The following CAST variants were observed in gnomAD, a reference collection of about 807,000 sequenced individuals.
The protein encoded by CAST is calpastatin, also known as MIR583 host.
CAST carries 76 observed loss-of-function variants against 119.6 expected under a neutral mutation model. The observed-to-expected ratio is 0.64, with a 90% CI of 0.53 to 0.77. CAST has a LOEUF of 0.77. Ranked by LOEUF, CAST falls within the 30% of genes least tolerant of loss-of-function variation. CAST has a pLI of 0.00. For synonymous variants in CAST, 319 were observed against 331.6 expected (o/e 0.96, Z 0.41); for missense variants, 953 against 946.5 (o/e 1.01, Z -0.09).
chr5:96,312,318 G>A, the CAST span, among the ~76,000 whole-genome samples: 2 of 152,066 alleles, frequency 1.3e-5, no homozygotes, highest in East Asian at 1.9e-4. Flanking sequence ...AGTGCCAGAT[G>A]TCCTCTAAGA....
chr5:96,515,989 G>T, the CAST span, among the ~76,000 whole-genome samples: 18,233 of 151,110 alleles, frequency 0.12, 1,328 homozygotes, highest in Non-Finnish European at 0.17. Flanking sequence ...TCACCTTATG[G>T]CCCTACACCA....
intron 11 of CAST, among the ~76,000 whole-genome samples, chr5:96,739,179 A>G (rs940352856): frequency 3.9e-5 from 6 of 152,206 alleles, no homozygotes; most frequent in Admixed American, 3.3e-4. Context: ...CAAAAGCGTG[A>G]AAGTCTGACA....
At chr5:96,160,616 G>A in the CAST span, among the ~76,000 whole-genome samples, 11 of 152,036 alleles carry the variant, frequency 7.2e-5, no homozygotes, top group African/African-American at 2.4e-4. Context: ...AGTCTTCTGG[G>A]CATTTACCTA....
intron 1 of CAST, among the ~76,000 whole-genome samples, chr5:96,533,373 C>A (rs1174488374): frequency 6.6e-6 from 1 of 152,130 alleles, no homozygotes; most frequent in African/African-American, 2.4e-5. Context: ...AAAGAAGGCC[C>A]ACAGAGGAAA....
At chr5:96,515,308 T>A in the CAST span, among the ~76,000 whole-genome samples, 6 of 49,648 alleles carry the variant, frequency 1.2e-4, no homozygotes, top group African/African-American at 5.4e-4. Flanking sequence ...CAATGTTTGA[T>A]TGTTTGTTTG....
chr5:96,130,504 A>G, the CAST span, among the ~76,000 whole-genome samples: 1 of 152,020 alleles, frequency 6.6e-6, no homozygotes, highest in Non-Finnish European at 1.5e-5. Context: ...TTAATTAACA[A>G]TAAAGTATCA....
the CAST span, among the ~76,000 whole-genome samples, chr5:96,085,918 G>C: frequency 2.0e-5 from 3 of 152,134 alleles, no homozygotes; most frequent in African/African-American, 7.2e-5. Context: ...AACTTTTCTA[G>C]AAATCATAAA....
intron 1 of CAST, among the ~76,000 whole-genome samples, chr5:96,614,477 G>A (rs1285150180): frequency 6.6e-6 from 1 of 152,180 alleles, no homozygotes; most frequent in Non-Finnish European, 1.5e-5. Context: ...TGTTTTCCAT[G>A]GGTTGCTTTT....
chr5:96,310,377 T>G, the CAST span, among the ~76,000 whole-genome samples: 1 of 152,192 alleles, frequency 6.6e-6, no homozygotes, highest in Non-Finnish European at 1.5e-5. Flanking sequence ...ATCAAAAATA[T>G]TTTCTGGTAG....
the CAST span, among the ~76,000 whole-genome samples, chr5:96,242,116 G>A: frequency 2.0e-5 from 3 of 147,902 alleles, no homozygotes; most frequent in South Asian, 2.2e-4. Context: ...TGCTTTTGGT[G>A]TTTTAGACAT....
At chr5:96,159,074 G>C in the CAST span, among the ~76,000 whole-genome samples, 1 of 152,176 alleles carries the variant, frequency 6.6e-6, no homozygotes, top group African/African-American at 2.4e-5. Context: ...ATTTGATGTA[G>C]ATTTTCCTTT....
chr5:96,450,597 T>A, the CAST span, among the ~76,000 whole-genome samples: 2 of 152,180 alleles, frequency 1.3e-5, no homozygotes, highest in Non-Finnish European at 1.5e-5. Flanking sequence ...TATAAATAAG[T>A]AAATAATCCT....
the CAST span, among the ~76,000 whole-genome samples, chr5:96,290,402 T>A: frequency 5.0e-4 from 76 of 152,342 alleles, no homozygotes; most frequent in South Asian, 2.1e-3. Flanking sequence ...GGTTCAGGAT[T>A]TTAAGAAACA....
the CAST span, among the ~76,000 whole-genome samples, chr5:96,106,013 T>G: frequency 6.6e-6 from 1 of 152,222 alleles, no homozygotes; most frequent in Non-Finnish European, 1.5e-5. Context: ...ATTTTGTAGT[T>G]TATTTGCGTA....
the CAST span, among the ~76,000 whole-genome samples, chr5:96,163,819 A>T: frequency 9.2e-5 from 14 of 152,324 alleles, no homozygotes; most frequent in African/African-American, 2.9e-4. Context: ...TGCCTACCCC[A>T]TAAAACTGTT....
intron 10 of CAST, 130 bp downstream of exon 10, chr5:96,736,370 T>C (rs1317158772): frequency 1.8e-6 from 1 of 561,802 alleles, no homozygotes; most frequent in South Asian, 2.7e-5. Context: ...GAATTATTGT[T>C]TCAAGCTAAT....
In CAST at chr5:96,649,524, C is replaced by T. The variant is rs76974718; in HGVS notation, c.61-26015C>T. On this transcript the variant is annotated intron_variant, in intron 1 of 11. Transcript: ENST00000505143. ...TGATTTCTAACTCTCTTTCATTGAT[C>T]TGCTCTCTGGCCCTCTGCCACCTTG... 9.1e-3 allele frequency among the ~76,000 whole-genome samples: 1,393 copies of T among 152,294 alleles called. 22 individuals are homozygous for T. The highest frequency in any genetic ancestry group is 0.032 in the African/African-American group (1,327 of 41,546).
At chr5:96,602,090 T>G (rs1014279222) in intron 1 of CAST, among the ~76,000 whole-genome samples, 1 of 152,216 alleles carries the variant, frequency 6.6e-6, no homozygotes, top group Non-Finnish European at 1.5e-5. Flanking sequence ...GAATCCTGCC[T>G]GTCACAATAG....
chr5:96,447,878 T>C, the CAST span, among the ~76,000 whole-genome samples: 41 of 152,222 alleles, frequency 2.7e-4, no homozygotes, highest in African/African-American at 9.6e-4. Flanking sequence ...TGAAACCCCA[T>C]GTCCGCTCTG....
Sources: allele counts gnomAD v4.1 joint callset (sites outside exome capture counted in the v4.1 genomes callset), GRCh38; gene constraint gnomAD v4.1.1; transcripts MANE v1.5; gene names NCBI Gene and HGNC (gene_info 2026-07-23, HGNC 2026-07-21).